Variants in POFUT3 observed in about 807,000 individuals in gnomAD.
The protein encoded by POFUT3 is protein O-fucosyltransferase 3.
chr8:33,315,537 G>T, the POFUT3 span, among the ~76,000 whole-genome samples: 1 of 152,076 alleles, frequency 6.6e-6, no homozygotes, highest in Admixed American at 6.6e-5. Context: ...CGTGAAGAGG[G>T]GGTCAGAAAG....
At chr8:33,361,936 A>G in the POFUT3 span, among the ~76,000 whole-genome samples, 1 of 151,976 alleles carries the variant, frequency 6.6e-6, no homozygotes, top group African/African-American at 2.4e-5. Context: ...TAAAATCTTC[A>G]CTTAAGAGCA....
the POFUT3 span, among the ~76,000 whole-genome samples, chr8:33,430,930 C>T: frequency 6.6e-6 from 1 of 151,784 alleles, no homozygotes; most frequent in African/African-American, 2.4e-5. Context: ...TTAAAGAAAA[C>T]TAGGAACACC....
chr8:33,364,619 ACAC>A, the POFUT3 span, among the ~76,000 whole-genome samples: 3 of 152,320 alleles, frequency 2.0e-5, no homozygotes, highest in East Asian at 5.8e-4. Flanking sequence ...GCATTCCTAC[ACAC>A]CATTAACAGA....
the POFUT3 span, among the ~76,000 whole-genome samples, chr8:33,451,443 T>C: frequency 2.6e-5 from 4 of 152,078 alleles, no homozygotes; most frequent in South Asian, 2.1e-4. Context: ...TGTGTATATA[T>C]GTGCATGTGT....
the POFUT3 span, among the ~76,000 whole-genome samples, chr8:33,462,171 C>A: frequency 0.11 from 340 of 3,104 alleles, no homozygotes; most frequent in Middle Eastern, 0.25. Context: ...GGGGAAGGGA[C>A]CAGAGTGGTG....
chr8:33,447,056 G>A, the POFUT3 span, among the ~76,000 whole-genome samples: 2 of 152,296 alleles, frequency 1.3e-5, no homozygotes, highest in East Asian at 1.9e-4. Context: ...CTGGGAATTC[G>A]TCATCCATAG....
the POFUT3 span, among the ~76,000 whole-genome samples, chr8:33,345,346 T>C: frequency 6.6e-6 from 1 of 151,944 alleles, no homozygotes; most frequent in Admixed American, 6.6e-5. Context: ...CTGCCATCAA[T>C]GCCCTGGGTG....
At chr8:33,340,159 A>C in the POFUT3 span, among the ~76,000 whole-genome samples, 1 of 152,116 alleles carries the variant, frequency 6.6e-6, no homozygotes, top group Admixed American at 6.6e-5. Context: ...TAAAATGACA[A>C]CACCAGCCAA....
chr8:33,422,732 A>C, the POFUT3 span, among the ~76,000 whole-genome samples: 1 of 151,824 alleles, frequency 6.6e-6, no homozygotes, highest in Middle Eastern at 3.2e-3. Context: ...CAATACCTAC[A>C]ATAGGGTGGA....
At chr8:33,380,214 ACT>A in the POFUT3 span, among the ~76,000 whole-genome samples, 2 of 60,374 alleles carry the variant, frequency 3.3e-5, no homozygotes, top group South Asian at 7.8e-4. Flanking sequence ...ATATATATAT[ACT>A]ATATATATAT....
chr8:33,403,407 G>C, the POFUT3 span, among the ~76,000 whole-genome samples: 1 of 152,070 alleles, frequency 6.6e-6, no homozygotes, highest in South Asian at 2.1e-4. Context: ...AGTCACTACT[G>C]ATATGTCTTG....
At chr8:33,313,946 G>A in the POFUT3 span, among the ~76,000 whole-genome samples, 97 of 152,036 alleles carry the variant, frequency 6.4e-4, no homozygotes, top group Non-Finnish European at 1.0e-3. Context: ...TTAGCTTTAG[G>A]AAAAATTTAA....
chr8:33,326,718 T>C, the POFUT3 span, among the ~76,000 whole-genome samples: 4 of 152,306 alleles, frequency 2.6e-5, no homozygotes, highest in African/African-American at 9.6e-5. Flanking sequence ...TGGGAGGTCA[T>C]AGCTTCTCAC....
At chr8:33,344,425 G>C in the POFUT3 span, among the ~76,000 whole-genome samples, 1 of 152,162 alleles carries the variant, frequency 6.6e-6, no homozygotes, top group Non-Finnish European at 1.5e-5. Flanking sequence ...AAAGATTTGA[G>C]GATCTGACTG....
the POFUT3 span, among the ~76,000 whole-genome samples, chr8:33,470,813 CT>C: frequency 1.3e-5 from 2 of 152,168 alleles, no homozygotes; most frequent in Non-Finnish European, 1.5e-5. Context: ...AGACAAATCC[CT>C]GAGGATCTTC....
the POFUT3 span, among the ~76,000 whole-genome samples, chr8:33,413,180 C>T: frequency 2.0e-5 from 3 of 152,144 alleles, no homozygotes; most frequent in Non-Finnish European, 4.4e-5. Flanking sequence ...ATGTTTGTGT[C>T]CCCTAAAAAT....
the POFUT3 span, among the ~76,000 whole-genome samples, chr8:33,412,013 G>A: frequency 7.2e-6 from 1 of 138,122 alleles, no homozygotes; most frequent in African/African-American, 2.7e-5. Context: ...TTCACAGGTT[G>A]CACACTGAGA....
the POFUT3 span, among the ~76,000 whole-genome samples, chr8:33,363,696 T>C: frequency 6.6e-6 from 1 of 152,126 alleles, no homozygotes; most frequent in Non-Finnish European, 1.5e-5. Context: ...CCTGGACACA[T>C]ACACCCTCCC....
the POFUT3 span, among the ~76,000 whole-genome samples, chr8:33,403,535 G>A: frequency 6.6e-6 from 1 of 152,054 alleles, no homozygotes; most frequent in Non-Finnish European, 1.5e-5. Flanking sequence ...GGGCAACAGA[G>A]TGAGACCCTG....
Sources: allele counts gnomAD v4.1 joint callset (sites outside exome capture counted in the v4.1 genomes callset), GRCh38; gene constraint gnomAD v4.1.1; transcripts MANE v1.5; gene names NCBI Gene and HGNC (gene_info 2026-07-23, HGNC 2026-07-21).